Variants in STAM observed in about 807,000 individuals in gnomAD.
STAM encodes the protein signal transducing adapter molecule 1.
STAM carries 16 observed loss-of-function variants against 63.4 expected under a neutral mutation model. That is an observed-to-expected ratio of 0.25 (90% CI 0.17 to 0.38). STAM has a LOEUF of 0.38. STAM is among the 10% of genes least tolerant of loss of function. The pLI, the probability that STAM is intolerant of heterozygous loss-of-function variation, is 1.00. For synonymous variants in STAM, 238 were observed against 223.9 expected (o/e 1.06, Z -0.56); for missense variants, 636 against 657.1 (o/e 0.97, Z 0.35).
chr10:17,660,214 A>G (rs7073509), intron 1 of STAM, among the ~76,000 whole-genome samples: 1 of 152,210 alleles, frequency 6.6e-6, no homozygotes, highest in Admixed American at 6.5e-5. Flanking sequence ...ATTTTTTTAT[A>G]AAGAAAAATC....
chr10:17,711,833 A>G (rs1006660594), intron 13 of STAM, among the ~76,000 whole-genome samples: 37 of 152,248 alleles, frequency 2.4e-4, no homozygotes, highest in Non-Finnish European at 5.0e-4. Context: ...GAAAAAGTTC[A>G]GAAAGGGCTT....
At chr10:17,654,008 A>T (rs375096931) in intron 1 of STAM, among the ~76,000 whole-genome samples, 1 of 152,310 alleles carries the variant, frequency 6.6e-6, no homozygotes, top group Admixed American at 6.5e-5. Flanking sequence ...CCAGTTGGTC[A>T]GAAGTGCCTG....
chr10:17,657,081 A>C (rs1464820833), intron 1 of STAM, among the ~76,000 whole-genome samples: 1 of 152,126 alleles, frequency 6.6e-6, no homozygotes, highest in Non-Finnish European at 1.5e-5. Flanking sequence ...GGAGTGCCCC[A>C]GGAAGGTCGT....
At chr10:17,665,103 T>G (rs1197134083) in intron 2 of STAM, among the ~76,000 whole-genome samples, 2 of 152,158 alleles carry the variant, frequency 1.3e-5, no homozygotes, top group East Asian at 3.9e-4. Flanking sequence ...AAAAGAGCTA[T>G]TATTGTGAAG....
At chr10:17,670,869 A>G (rs1160476892) in intron 2 of STAM, among the ~76,000 whole-genome samples, 2 of 151,824 alleles carry the variant, frequency 1.3e-5, no homozygotes, top group Non-Finnish European at 2.9e-5. Context: ...TGTTGTGTGG[A>G]TTATGTTTTA....
chr10:17,653,953 G>T (rs868994123), intron 1 of STAM, among the ~76,000 whole-genome samples: 1 of 152,126 alleles, frequency 6.6e-6, no homozygotes, highest in African/African-American at 2.4e-5. Context: ...AGTTGCTATG[G>T]TGAATTATCA....
intron 7 of STAM, among the ~76,000 whole-genome samples, 167 bp downstream of exon 7, chr10:17,695,408 A>T (rs1484022400): frequency 6.6e-6 from 1 of 151,980 alleles, no homozygotes; most frequent in East Asian, 1.9e-4. Flanking sequence ...GTGGATTCTT[A>T]TTTTGTTGTT....
chr10:17,658,097 A>G (rs1265319898), intron 1 of STAM, among the ~76,000 whole-genome samples: 1 of 152,090 alleles, frequency 6.6e-6, no homozygotes, highest in Non-Finnish European at 1.5e-5. Flanking sequence ...TATGTATTCA[A>G]TGCTATAAAT....
chr10:17,694,450 G>T (rs1198831175), intron 6 of STAM, among the ~76,000 whole-genome samples: 2 of 152,096 alleles, frequency 1.3e-5, no homozygotes, highest in Non-Finnish European at 2.9e-5. Flanking sequence ...TGAATTGAAA[G>T]CAGGATAATC....
intron 1 of STAM, among the ~76,000 whole-genome samples, chr10:17,659,392 AG>A (rs1834070939): frequency 6.6e-6 from 1 of 151,840 alleles, no homozygotes; most frequent in African/African-American, 2.4e-5. Context: ...TGTTAGAGTA[AG>A]AAGAAAAATA....
At chr10:17,678,454 A>T (rs895428681) in intron 2 of STAM, among the ~76,000 whole-genome samples, 3 of 152,052 alleles carry the variant, frequency 2.0e-5, no homozygotes, top group African/African-American at 7.2e-5. Context: ...AGGTTTCACC[A>T]TGTTGGCCAG....
chr10:17,670,841 T>C (rs1554823994), intron 2 of STAM, among the ~76,000 whole-genome samples: 1 of 146,844 alleles, frequency 6.8e-6, no homozygotes, highest in Non-Finnish European at 1.5e-5. Context: ...TTGTACTCTA[T>C]ATTTTGCTCC....
chr10:17,657,808 C>T, intron 1 of STAM, among the ~76,000 whole-genome samples: 1 of 149,004 alleles, frequency 6.7e-6, no homozygotes, highest in Non-Finnish European at 1.5e-5. Flanking sequence ...AGTGATGTCC[C>T]TTCTTTCATT....
At chr10:17,653,427 C>G (rs1833817361) in intron 1 of STAM, among the ~76,000 whole-genome samples, 1 of 152,126 alleles carries the variant, frequency 6.6e-6, no homozygotes, top group South Asian at 2.1e-4. Context: ...CTCAGTTAAG[C>G]ATTCTGGTAG....
intron 13 of STAM, among the ~76,000 whole-genome samples, chr10:17,713,452 T>G (rs565545377): frequency 1.3e-5 from 2 of 152,252 alleles, no homozygotes; most frequent in South Asian, 2.1e-4. Context: ...GCTTGCCAGT[T>G]TTTTGGACAT....
At chr10:17,656,824 A>G (rs1833958686) in intron 1 of STAM, among the ~76,000 whole-genome samples, 1 of 152,186 alleles carries the variant, frequency 6.6e-6, no homozygotes, top group African/African-American at 2.4e-5. Context: ...AAGTTTATTA[A>G]AAAGCTTTAC....
chr10:17,669,667 C>T (rs1278673564), intron 2 of STAM, among the ~76,000 whole-genome samples: 1 of 149,780 alleles, frequency 6.7e-6, no homozygotes, highest in East Asian at 1.9e-4. Context: ...TTTTCTTTCA[C>T]TGATTGGGAA....
chr10:17,655,488 G>A (rs35482541), intron 1 of STAM, among the ~76,000 whole-genome samples: 41,368 of 151,816 alleles, frequency 0.27, 5,920 homozygotes, highest in African/African-American at 0.35. Flanking sequence ...TTAGTTGTCC[G>A]GTGGTAGTGA....
At chr10:17,655,453 A>G (rs554381383) in intron 1 of STAM, among the ~76,000 whole-genome samples, 160 of 152,082 alleles carry the variant, frequency 1.1e-3, no homozygotes, top group African/African-American at 3.8e-3. Context: ...GTTATTATCC[A>G]CTTGGTCTTT....
Sources: allele counts gnomAD v4.1 joint callset (sites outside exome capture counted in the v4.1 genomes callset), GRCh38; gene constraint gnomAD v4.1.1; transcripts MANE v1.5; gene names NCBI Gene and HGNC (gene_info 2026-07-23, HGNC 2026-07-21).